The following NAALADL2 variants were observed in gnomAD, a reference collection of about 807,000 sequenced individuals.
NAALADL2 encodes the protein inactive N-acetylated-alpha-linked acidic dipeptidase-like protein 2.
In NAALADL2, 76 loss-of-function variants were observed where a neutral mutation model predicts 87.2. That is an observed-to-expected ratio of 0.87 (90% CI 0.72 to 1.05). NAALADL2 has a LOEUF of 1.05. Ranked by LOEUF, NAALADL2 falls within the 50% of genes least tolerant of loss-of-function variation. The pLI, the probability that NAALADL2 is intolerant of heterozygous loss-of-function variation, is 0.00. For missense variants in NAALADL2, 1,089 were observed against 945.8 expected, an observed-to-expected ratio of 1.15 and a Z score of -1.99; for synonymous variants, 354 against 331.0, an observed-to-expected ratio of 1.07 and a Z score of -0.75.
At chr3:174,813,104 ACAACTTC>A (rs1720399996) in intron 3 of NAALADL2, among the ~76,000 whole-genome samples, 1 of 152,186 alleles carries the variant, frequency 6.6e-6, no homozygotes, top group African/African-American at 2.4e-5. Context: ...ACTCACCAGA[ACAACTTC>A]CAGTCCCGCA....
At chr3:174,995,038 A>G (rs1289840651) in intron 1 of NAALADL2, among the ~76,000 whole-genome samples, 1 of 152,072 alleles carries the variant, frequency 6.6e-6, no homozygotes, top group East Asian at 1.9e-4. Context: ...TTAGAAGGCC[A>G]TGTTTACCCT....
chr3:174,668,785 T>C (rs1578485277), intron 2 of NAALADL2, among the ~76,000 whole-genome samples: 1 of 152,196 alleles, frequency 6.6e-6, no homozygotes, highest in Non-Finnish European at 1.5e-5. Context: ...TATTCCATGG[T>C]GTATATGTGC....
chr3:175,414,434 C>G (rs922410907), intron 5 of NAALADL2, among the ~76,000 whole-genome samples: 7 of 152,240 alleles, frequency 4.6e-5, no homozygotes, highest in African/African-American at 1.4e-4. Flanking sequence ...ATTTGGGCTA[C>G]TTATAGACTA....
intron 1 of NAALADL2, among the ~76,000 whole-genome samples, chr3:174,861,871 T>C (rs1282411214): frequency 6.6e-6 from 1 of 151,506 alleles, no homozygotes; most frequent in Non-Finnish European, 1.5e-5. Flanking sequence ...CATTAACATT[T>C]AGTGTTTCTG....
intron 2 of NAALADL2, among the ~76,000 whole-genome samples, chr3:175,182,983 C>T (rs1334177131): frequency 1.3e-5 from 2 of 151,858 alleles, no homozygotes; most frequent in Non-Finnish European, 2.9e-5. Context: ...TGTAATGCCT[C>T]CAACTTTGTA....
intron 2 of NAALADL2, among the ~76,000 whole-genome samples, chr3:174,695,824 T>G (rs1453573861): frequency 6.6e-6 from 1 of 151,994 alleles, no homozygotes; most frequent in Non-Finnish European, 1.5e-5. Flanking sequence ...AGGGTGAAAA[T>G]ATGCCCAATA....
chr3:174,470,439 A>G (rs1424274879), intron 1 of NAALADL2, among the ~76,000 whole-genome samples: 1 of 152,070 alleles, frequency 6.6e-6, no homozygotes, highest in African/African-American at 2.4e-5. Flanking sequence ...ATTTTCTCCC[A>G]TTCTGTAGGT....
At chr3:174,532,122 A>G (rs1330420753) in intron 1 of NAALADL2, among the ~76,000 whole-genome samples, 1 of 152,208 alleles carries the variant, frequency 6.6e-6, no homozygotes, top group East Asian at 1.9e-4. Flanking sequence ...ATTGTGTTCA[A>G]TGCATCAGAC....
intron 2 of NAALADL2, among the ~76,000 whole-genome samples, chr3:174,683,306 A>T (rs1368061076): frequency 6.6e-6 from 1 of 152,126 alleles, no homozygotes; most frequent in Non-Finnish European, 1.5e-5. Context: ...ATTGACCTTA[A>T]AGAGGAGATA....
At chr3:174,842,006 G>T (rs1009302825) in intron 3 of NAALADL2, among the ~76,000 whole-genome samples, 1 of 149,380 alleles carries the variant, frequency 6.7e-6, no homozygotes, top group African/African-American at 2.5e-5. Flanking sequence ...GCTTTTAATT[G>T]TTCTTCATTT....
chr3:175,769,696 C>A (rs183048565), intron 13 of NAALADL2, among the ~76,000 whole-genome samples: 4 of 151,278 alleles, frequency 2.6e-5, no homozygotes. Flanking sequence ...AACAATAGGA[C>A]AATAGGAGAT....
intron 5 of NAALADL2, among the ~76,000 whole-genome samples, chr3:175,377,668 C>T (rs911549348): frequency 2.0e-5 from 3 of 152,236 alleles, no homozygotes; most frequent in Non-Finnish European, 4.4e-5. Context: ...TGAAATGTGT[C>T]CTTTTCCTAA....
chr3:174,632,102 T>C (rs1722169192), intron 2 of NAALADL2: 1 of 152,204 alleles, frequency 6.6e-6, no homozygotes, highest in Non-Finnish European at 1.5e-5. Context: ...GGTGAATCTT[T>C]TATTGAGAAG....
intron 3 of NAALADL2, among the ~76,000 whole-genome samples, chr3:174,747,161 A>G (rs901423192): frequency 5.9e-5 from 9 of 152,228 alleles, no homozygotes; most frequent in African/African-American, 2.2e-4. Context: ...ATGAGAGAAA[A>G]TTTTTGCAAT....
At chr3:175,057,989 A>C (rs917624882) in intron 1 of NAALADL2, among the ~76,000 whole-genome samples, 4 of 152,218 alleles carry the variant, frequency 2.6e-5, no homozygotes, top group Non-Finnish European at 5.9e-5. Flanking sequence ...TATGTACCAT[A>C]ATTAAATGCA....
chr3:175,404,013 G>C (rs952720535), intron 5 of NAALADL2, among the ~76,000 whole-genome samples: 1 of 152,064 alleles, frequency 6.6e-6, no homozygotes, highest in Non-Finnish European at 1.5e-5. Flanking sequence ...TCTCCAGCTT[G>C]TTTGTATGCA....
intron 2 of NAALADL2, among the ~76,000 whole-genome samples, chr3:175,186,421 CAA>C (rs1193407415): frequency 2.0e-5 from 3 of 151,986 alleles, no homozygotes; most frequent in African/African-American, 7.2e-5. Flanking sequence ...GACTTAAAAA[CAA>C]TGATAGTTTG....
chr3:175,167,183 C>T (rs1167848972), intron 2 of NAALADL2, among the ~76,000 whole-genome samples: 1 of 152,030 alleles, frequency 6.6e-6, no homozygotes, highest in East Asian at 1.9e-4. Flanking sequence ...CCACTCAATT[C>T]AGCCATTCAT....
chr3:175,371,815 T>TA (rs367881183), intron 5 of NAALADL2, among the ~76,000 whole-genome samples: 3,288 of 142,192 alleles, frequency 0.023, 55 homozygotes, highest in Non-Finnish European at 0.028. Context: ...CTCCATCTAT[T>TA]AAAAAAAAAA....
Sources: gnomAD v4.1 joint callset for allele counts (sites outside exome capture counted in the v4.1 genomes callset) on GRCh38, gnomAD v4.1.1 for gene constraint, MANE v1.5 for transcripts, NCBI Gene and HGNC (gene_info 2026-07-23, HGNC 2026-07-21) for gene names.